ARHGAP15: variants seen among roughly 807,000 people sequenced by gnomAD.
ARHGAP15 encodes the protein rho GTPase-activating protein 15.
Under a neutral mutation model 63.7 loss-of-function variants are expected in ARHGAP15, and 51 were observed. The observed-to-expected ratio is 0.80, with a 90% CI of 0.64 to 1.01. ARHGAP15 has a LOEUF of 1.01. ARHGAP15 is among the 50% of genes least tolerant of loss of function. The pLI is 0.00. For synonymous variants in ARHGAP15, 191 were observed against 193.8 expected (o/e 0.99, Z 0.12); for missense variants, 560 against 564.6 (o/e 0.99, Z 0.08).
intron 12 of ARHGAP15, among the ~76,000 whole-genome samples, chr2:143,662,583 G>A (rs543211853): frequency 0.01 from 1,224 of 119,842 alleles, 14 homozygotes; most frequent in Non-Finnish European, 0.013. Context: ...TTGACGAGCC[G>A]AGAGAAGAAG....
chr2:143,651,178 A>G (rs1378130742), intron 12 of ARHGAP15, among the ~76,000 whole-genome samples: 1 of 152,022 alleles, frequency 6.6e-6, no homozygotes, highest in Non-Finnish European at 1.5e-5. Flanking sequence ...TAAAAGCTAT[A>G]GTAATACAAA....
At chr2:143,574,674 A>G (rs1019502219) in intron 11 of ARHGAP15, among the ~76,000 whole-genome samples, 1 of 152,142 alleles carries the variant, frequency 6.6e-6, no homozygotes, top group Non-Finnish European at 1.5e-5. Context: ...CAGTAAAAGC[A>G]TGAAAAAATA....
intron 11 of ARHGAP15, among the ~76,000 whole-genome samples, chr2:143,594,301 G>A (rs755889051): frequency 3.3e-5 from 5 of 152,224 alleles, no homozygotes; most frequent in South Asian, 2.1e-4. Context: ...TTATTGGCAC[G>A]TCAGGTGCAA....
At chr2:143,296,593 C>T (rs935985575) in intron 6 of ARHGAP15, among the ~76,000 whole-genome samples, 2 of 151,888 alleles carry the variant, frequency 1.3e-5, no homozygotes, top group Non-Finnish European at 2.9e-5. Context: ...GATCTCAGAA[C>T]GTTTTGGTCT....
intron 6 of ARHGAP15, among the ~76,000 whole-genome samples, chr2:143,294,173 C>A (rs951285982): frequency 6.6e-6 from 1 of 152,000 alleles, no homozygotes; most frequent in Admixed American, 6.6e-5. Context: ...GAACCCACAG[C>A]ACTTAAATTT....
At chr2:143,736,098 G>A (rs961254138) in intron 13 of ARHGAP15, among the ~76,000 whole-genome samples, 1 of 152,146 alleles carries the variant, frequency 6.6e-6, no homozygotes, top group African/African-American at 2.4e-5. Context: ...ACCTATATGT[G>A]TCAGGCGCAG....
chr2:143,389,432 C>A (rs2104963507), intron 6 of ARHGAP15, among the ~76,000 whole-genome samples: 1 of 152,280 alleles, frequency 6.6e-6, no homozygotes. Flanking sequence ...CCTCCTTTAA[C>A]ACAATCACAA....
chr2:143,657,089 G>T (rs1016524510), intron 12 of ARHGAP15, among the ~76,000 whole-genome samples: 2 of 152,198 alleles, frequency 1.3e-5, no homozygotes, highest in African/African-American at 4.8e-5. Flanking sequence ...GCTCACGCCT[G>T]TAATCCCAGC....
At chr2:143,542,690 G>GATATAA (rs1392485870) in intron 10 of ARHGAP15, among the ~76,000 whole-genome samples, 1 of 79,358 alleles carries the variant, frequency 1.3e-5, no homozygotes, top group Admixed American at 1.4e-4. Context: ...ATGATATATA[G>GATATAA]TATCACATAT....
At chr2:143,295,781 A>C (rs951767182) in intron 6 of ARHGAP15, 1 of 152,040 alleles carries the variant, frequency 6.6e-6, no homozygotes, top group African/African-American at 2.4e-5. Flanking sequence ...TTTTAATTCT[A>C]TGTAACCATC....
intron 6 of ARHGAP15, among the ~76,000 whole-genome samples, chr2:143,257,242 T>C (rs1285996653): frequency 6.6e-6 from 1 of 152,088 alleles, no homozygotes; most frequent in Non-Finnish European, 1.5e-5. Context: ...CTAGATTCAT[T>C]CTTTTTGAAC....
At chr2:143,590,452 G>A (rs919745984) in intron 11 of ARHGAP15, among the ~76,000 whole-genome samples, 24 of 152,124 alleles carry the variant, frequency 1.6e-4, no homozygotes, top group Admixed American at 1.3e-3. Context: ...AATAACTGCT[G>A]TGTGAGTATA....
chr2:143,224,769 G>A (rs1382431346), intron 4 of ARHGAP15, among the ~76,000 whole-genome samples: 8 of 152,142 alleles, frequency 5.3e-5, no homozygotes, highest in African/African-American at 1.2e-4. Context: ...AATGCCTTAC[G>A]AGAGAGTCAC....
At chr2:143,575,510 A>G (rs941328758) in intron 11 of ARHGAP15, among the ~76,000 whole-genome samples, 1 of 152,122 alleles carries the variant, frequency 6.6e-6, no homozygotes, top group Non-Finnish European at 1.5e-5. Context: ...GGTGCAGGAA[A>G]GAGAGGAGGC....
intron 6 of ARHGAP15, among the ~76,000 whole-genome samples, chr2:143,292,484 G>A (rs1558871101): frequency 3.3e-5 from 5 of 151,832 alleles, no homozygotes; most frequent in Admixed American, 2.0e-4. Context: ...AATATGCATA[G>A]TTCAAAACTT....
chr2:143,755,052 A>T (rs1008237806), intron 13 of ARHGAP15, among the ~76,000 whole-genome samples: 16 of 152,098 alleles, frequency 1.1e-4, no homozygotes, highest in African/African-American at 3.6e-4. Flanking sequence ...CTACTATCTC[A>T]TCTTATCCCC....
intron 6 of ARHGAP15, among the ~76,000 whole-genome samples, chr2:143,364,958 A>G (rs1172608607): frequency 2.0e-5 from 3 of 152,152 alleles, no homozygotes; most frequent in Admixed American, 1.3e-4. Context: ...GTGAGCAAAG[A>G]CTGGGCCGCT....
intron 13 of ARHGAP15, among the ~76,000 whole-genome samples, chr2:143,758,739 A>G (rs1365384502): frequency 6.6e-6 from 1 of 152,164 alleles, no homozygotes; most frequent in Non-Finnish European, 1.5e-5. Flanking sequence ...TGTTTTAAGG[A>G]AAAAAGAGCC....
At chr2:143,626,561 G>A (rs558233171) in intron 12 of ARHGAP15, among the ~76,000 whole-genome samples, 54 of 152,206 alleles carry the variant, frequency 3.5e-4, no homozygotes, top group African/African-American at 1.2e-3. Context: ...GGACCCCAGC[G>A]GGTTACCCCT....
Sources: allele counts gnomAD v4.1 joint callset (sites outside exome capture counted in the v4.1 genomes callset), GRCh38; gene constraint gnomAD v4.1.1; transcripts MANE v1.5; gene names NCBI Gene and HGNC (gene_info 2026-07-23, HGNC 2026-07-21).